The following DNAH3 variants were observed in gnomAD, a reference collection of about 807,000 sequenced individuals.
DNAH3 encodes the protein axonemal beta dynein heavy chain 3.
A neutral mutation model predicts 432.5 loss-of-function variants in DNAH3; 332 were observed. That is an observed-to-expected ratio of 0.77 (90% CI 0.70 to 0.84). The LOEUF (loss-of-function observed/expected upper bound fraction) is 0.84. Ranked by LOEUF, DNAH3 falls within the 40% of genes least tolerant of loss-of-function variation. The pLI is 0.00. For missense variants in DNAH3, 4,861 were observed against 5,114.0 expected (o/e 0.95, Z 1.51); for synonymous variants, 1,956 against 1,900.2 (o/e 1.03, Z -0.76).
rs369981089 is a variant in DNAH3 at position 21,135,315 on chromosome 16, G to A, written c.887-861C>T. Among the ~76,000 whole-genome samples the A allele has an allele frequency of 6.3e-4, 96 of 152,310 alleles. No individual in the cohort carries two copies. The East Asian group carries it at 0.016, about 26-fold the overall frequency. On this transcript the variant is annotated intron_variant, in intron 6 of 61. Transcript: ENST00000261383. ...CCATCCATTATATTTACAAATAGAAGTTTAAAGACCAAATGTTTTCCATAC... is the reference window on the plus strand; with the variant it reads ...CCATCCATTATATTTACAAATAGAAATTTAAAGACCAAATGTTTTCCATAC...
intron 15 of DNAH3, among the ~76,000 whole-genome samples, chr16:21,105,913 T>C (rs1028148705): frequency 6.6e-6 from 1 of 151,916 alleles, no homozygotes; most frequent in Admixed American, 6.6e-5. Flanking sequence ...CCAGGCCCCA[T>C]GGCTCACGCC....
chr16:21,156,929 C>T (rs1326315672), intron 1 of DNAH3, among the ~76,000 whole-genome samples: 3 of 113,990 alleles, frequency 2.6e-5, no homozygotes, highest in African/African-American at 1.1e-4. Flanking sequence ...CCAGTGGAAA[C>T]CCTAACTCAG....
rs559230130 is a variant in DNAH3 at position 21,106,398 on chromosome 16, A to C, written c.2284+92T>G. 20 of 1,024,082 alleles carry C rather than the reference A, an allele frequency of 2.0e-5. No homozygotes were observed. The East Asian group carries it at 5.5e-4, about 28-fold the overall frequency. 63.4% of individuals were successfully genotyped at this position (1,024,082 alleles called of 1,614,324 possible). A position where few individuals can be genotyped will look rare whatever the true frequency, so the allele number is the denominator to read the frequency against. ...CAACACTTTACCCCTAAATATATAA[A>C]TACATATAGACTATTTGAAATGTTA... is the stretch of plus-strand genomic sequence containing the variant. On this transcript the variant is annotated intron_variant, in intron 15 of 61. Coordinates refer to ENST00000261383, the Ensembl canonical transcript of DNAH3.
At chr16:21,104,540 T>A (rs1462419140) in exon 16 of DNAH3, 1 of 1,614,004 alleles carries the variant, frequency 6.2e-7, no homozygotes. Context: ...GTCAAAGATA[T>A]CTTCAATCTG....
chr16:21,141,160 G>A (rs8061542), intron 4 of DNAH3, 140 bp downstream of exon 5: 1 of 642,600 alleles, frequency 1.6e-6, no homozygotes, highest in Non-Finnish European at 2.6e-6. Flanking sequence ...TTTTTTTTTT[G>A]ATTAAAGTGA....
intron 57 of DNAH3, among the ~76,000 whole-genome samples, chr16:20,945,550 G>C (rs1031617389): frequency 6.6e-6 from 1 of 151,550 alleles, no homozygotes; most frequent in Non-Finnish European, 1.5e-5. Flanking sequence ...GAGTGCAGTG[G>C]TACTATCTTG....
exon 11 of DNAH3, chr16:21,120,750 A>G: frequency 1.2e-6 from 2 of 1,613,244 alleles, no homozygotes; most frequent in Non-Finnish European, 1.7e-6. Context: ...CTGCCATTGC[A>G]GTGGCAGCCG....
intron 44 of DNAH3, among the ~76,000 whole-genome samples, chr16:20,994,984 G>T (rs1348212851): frequency 6.6e-6 from 1 of 151,986 alleles, no homozygotes; most frequent in African/African-American, 2.4e-5. Flanking sequence ...ACCCAGGTTG[G>T]AGTATTGTGG....
chr16:20,997,490 A>G, intron 43 of DNAH3, 28 bp from the exon 44 acceptor site: 5 of 1,609,394 alleles, frequency 3.1e-6, no homozygotes, highest in Non-Finnish European at 4.2e-6. Context: ...AGATACAGCC[A>G]TTGCAAGTTC....
At chr16:20,974,579 G>GTTTTTTTTTT (rs752437227) in intron 51 of DNAH3, among the ~76,000 whole-genome samples, 13 of 81,842 alleles carry the variant, frequency 1.6e-4, no homozygotes, top group African/African-American at 1.9e-4. Context: ...GTTTTATAGT[G>GTTTTTTTTTT]TTTTTTTTTT....
chr16:20,993,567 G>A (rs1206779254), intron 44 of DNAH3, among the ~76,000 whole-genome samples: 1 of 152,166 alleles, frequency 6.6e-6, no homozygotes, highest in Admixed American at 6.5e-5. Flanking sequence ...TATCTTAAAT[G>A]TGTTATTCCA....
chr16:21,039,746 C>G, intron 33 of DNAH3, 106 bp downstream of exon 33: 1 of 902,802 alleles, frequency 1.1e-6, no homozygotes, highest in Non-Finnish European at 1.9e-6. Flanking sequence ...GCAAGTTTCT[C>G]AAGCTTCTCT....
chr16:20,953,092 G>A (rs557727052), intron 55 of DNAH3, among the ~76,000 whole-genome samples: 2 of 152,224 alleles, frequency 1.3e-5, no homozygotes, highest in East Asian at 1.9e-4. Flanking sequence ...GAAAGAGTAT[G>A]GGGAAACCTG....
intron 7 of DNAH3, among the ~76,000 whole-genome samples, chr16:21,132,074 C>T (rs1453162401): frequency 2.0e-5 from 3 of 152,108 alleles, no homozygotes; most frequent in Admixed American, 1.3e-4. Context: ...CTGACTGGTA[C>T]TTCCAATGCT....
At chr16:21,097,302 T>C in intron 18 of DNAH3, 53 bp downstream of exon 18, 1 of 1,602,000 alleles carries the variant, frequency 6.2e-7, no homozygotes, top group Non-Finnish European at 8.5e-7. Context: ...AGTGACTGGG[T>C]GGATCCTCCA....
At chr16:21,082,062 GC>G (rs1446930538) in intron 19 of DNAH3, among the ~76,000 whole-genome samples, 1 of 151,946 alleles carries the variant, frequency 6.6e-6, no homozygotes, top group Non-Finnish European at 1.5e-5. Flanking sequence ...ACCTTGCCTG[GC>G]TAATTTTTAA....
chr16:20,938,776 C>T (rs896406461), intron 59 of DNAH3, among the ~76,000 whole-genome samples: 5 of 151,706 alleles, frequency 3.3e-5, no homozygotes, highest in Admixed American at 2.0e-4. Context: ...GATTGCTTTC[C>T]CTGTTCTTTT....
intron 19 of DNAH3, 48 bp downstream of exon 19, chr16:21,086,801 C>T (rs1305125019): frequency 1.0e-5 from 16 of 1,550,064 alleles, no homozygotes; most frequent in Non-Finnish European, 1.3e-5. Context: ...ACAGTCAGGG[C>T]CAGGCCTGGG....
intron 7 of DNAH3, among the ~76,000 whole-genome samples, chr16:21,130,877 C>T (rs1242203733): frequency 6.6e-6 from 1 of 152,132 alleles, no homozygotes; most frequent in Non-Finnish European, 1.5e-5. Flanking sequence ...GACTTCCTCA[C>T]TAGTTTCTAT....
Sources: gnomAD v4.1 joint callset for allele counts (sites outside exome capture counted in the v4.1 genomes callset) on GRCh38, gnomAD v4.1.1 for gene constraint, MANE v1.5 for transcripts, NCBI Gene and HGNC (gene_info 2026-07-23, HGNC 2026-07-21) for gene names.